PRKCH: variants seen among roughly 807,000 people sequenced by gnomAD.
PRKCH encodes the protein protein kinase C eta.
A neutral mutation model predicts 82.5 loss-of-function variants in PRKCH; 28 were observed. The ratio of observed to expected loss-of-function variants is 0.34; its 90% CI spans 0.25 to 0.47. The LOEUF is 0.47. PRKCH is among the 20% of genes least tolerant of loss of function. The pLI, the probability that PRKCH is intolerant of heterozygous loss-of-function variation, is 1.00. For synonymous variants in PRKCH, 322 were observed against 327.4 expected (o/e 0.98, Z 0.18); for missense variants, 705 against 881.8 (o/e 0.80, Z 2.54).
upstream of PRKCH, among the ~76,000 whole-genome samples, chr14:61,320,749 G>A (rs890720066): frequency 1.3e-5 from 2 of 152,234 alleles, no homozygotes; most frequent in Non-Finnish European, 2.9e-5. Context: ...GGACCACGGG[G>A]TGGGAAGCAT....
intron 1 of PRKCH, chr14:61,304,826 A>AC (rs1404879988): frequency 1.3e-5 from 2 of 151,572 alleles, no homozygotes; most frequent in African/African-American, 4.8e-5. Flanking sequence ...AAGGTCTTAA[A>AC]AAAAAAAAAA....
At chr14:61,422,622 AG>A (rs1422573855) in intron 2 of PRKCH, among the ~76,000 whole-genome samples, 1 of 152,184 alleles carries the variant, frequency 6.6e-6, no homozygotes, top group Admixed American at 6.5e-5. Context: ...TCTGCCCCAC[AG>A]CACCCTGGAC....
At chr14:61,478,055 G>A (rs1885806842) in intron 9 of PRKCH, among the ~76,000 whole-genome samples, 1 of 152,202 alleles carries the variant, frequency 6.6e-6, no homozygotes, top group Non-Finnish European at 1.5e-5. Context: ...CATGCATCAG[G>A]CCCTTTGGAG....
chr14:61,444,626 T>G (rs796094840), intron 3 of PRKCH, among the ~76,000 whole-genome samples: 4 of 152,216 alleles, frequency 2.6e-5, no homozygotes, highest in African/African-American at 9.6e-5. Flanking sequence ...TCATACTCTC[T>G]CTCTCACACA....
intron 1 of PRKCH, chr14:61,281,381 C>T (rs2045264876): frequency 8.8e-6 from 3 of 340,898 alleles, no homozygotes; most frequent in Non-Finnish European, 1.1e-5. Flanking sequence ...GTGCGCTGCA[C>T]CCCCGCGGGT....
At chr14:61,355,803 A>G (rs2046139921) in intron 1 of PRKCH, among the ~76,000 whole-genome samples, 2 of 152,186 alleles carry the variant, frequency 1.3e-5, no homozygotes, top group Admixed American at 6.5e-5. Context: ...CCACTTACAC[A>G]TTCTAGCCAG....
chr14:61,474,919 C>G (rs923410688), intron 9 of PRKCH, among the ~76,000 whole-genome samples: 1 of 152,182 alleles, frequency 6.6e-6, no homozygotes, highest in Non-Finnish European at 1.5e-5. Flanking sequence ...GAATTCTCAG[C>G]CAGTAGATTC....
At chr14:61,518,362 A>T (rs978388092) in intron 10 of PRKCH, among the ~76,000 whole-genome samples, 2 of 152,106 alleles carry the variant, frequency 1.3e-5, no homozygotes, top group Non-Finnish European at 2.9e-5. Context: ...AGGAGCTGCT[A>T]AATAAATTTG....
intron 9 of PRKCH, among the ~76,000 whole-genome samples, chr14:61,477,424 T>A (rs1885775381): frequency 6.6e-6 from 1 of 152,254 alleles, no homozygotes; most frequent in Non-Finnish European, 1.5e-5. Flanking sequence ...GAATGATACA[T>A]CTTCAAATGC....
chr14:61,526,029 A>G (rs1294528290), intron 10 of PRKCH, among the ~76,000 whole-genome samples: 1 of 152,166 alleles, frequency 6.6e-6, no homozygotes, highest in Non-Finnish European at 1.5e-5. Context: ...CAAGTCAGAA[A>G]ACACTTGTGG....
chr14:61,496,764 C>T (rs1480885478), intron 10 of PRKCH, among the ~76,000 whole-genome samples: 1 of 152,194 alleles, frequency 6.6e-6, no homozygotes, highest in East Asian at 1.9e-4. Flanking sequence ...GCCTCAAATT[C>T]TACGCTTTTT....
At position 61,291,422 on chromosome 14, in the gene PRKCH, C is replaced by T. The variant is rs188831062; in HGVS notation, c.-19+103754C>T. Reference sequence around the variant, plus strand: ...TTGGCTCACTGCAACCTCCGCCTACCGGGTTCAAGCAATTCTCCTGCCTCA... The same window carrying T: ...TTGGCTCACTGCAACCTCCGCCTACTGGGTTCAAGCAATTCTCCTGCCTCA... On this transcript the variant is annotated intron_variant, in intron 1 of 3. Coordinates refer to the PRKCH transcript ENST00000555185. Among the ~76,000 whole-genome samples, 26 of 150,374 alleles carry T rather than the reference C, an allele frequency of 1.7e-4. No homozygotes were observed. The East Asian group carries it at 4.2e-3, about 24-fold the overall frequency.
intron 1 of PRKCH, among the ~76,000 whole-genome samples, chr14:61,238,319 A>G (rs193030906): frequency 4.6e-5 from 7 of 152,316 alleles, no homozygotes; most frequent in African/African-American, 1.7e-4. Flanking sequence ...GGTCCCTGAC[A>G]GGAGATTGAG....
upstream of PRKCH, among the ~76,000 whole-genome samples, chr14:61,320,532 G>A (rs2045602413): frequency 6.6e-6 from 1 of 152,222 alleles, no homozygotes; most frequent in Admixed American, 6.5e-5. Context: ...CTGGGAGGCG[G>A]AGGTTGCGGT....
intron 1 of PRKCH, among the ~76,000 whole-genome samples, chr14:61,288,976 C>G (rs1026982308): frequency 7.9e-5 from 12 of 152,332 alleles, no homozygotes; most frequent in African/African-American, 2.6e-4. Context: ...CTTCTCTCTG[C>G]ATTGTCTTGC....
chr14:61,453,904 C>T (rs569765121), intron 7 of PRKCH, among the ~76,000 whole-genome samples: 6 of 152,056 alleles, frequency 3.9e-5, no homozygotes, highest in East Asian at 1.9e-4. Flanking sequence ...GCGATCCTCT[C>T]GCTTTGGCCT....
intron 1 of PRKCH, among the ~76,000 whole-genome samples, chr14:61,228,430 T>C (rs1326023167): frequency 6.6e-6 from 1 of 152,220 alleles, no homozygotes; most frequent in Non-Finnish European, 1.5e-5. Context: ...TCCCTTCTGC[T>C]GTGTCAATAG....
chr14:61,244,062 G>C (rs2044861776), intron 1 of PRKCH, among the ~76,000 whole-genome samples: 1 of 152,148 alleles, frequency 6.6e-6, no homozygotes, highest in Admixed American at 6.5e-5. Flanking sequence ...TGGGGCAACG[G>C]AGCATGCTGG....
intron 1 of PRKCH, among the ~76,000 whole-genome samples, chr14:61,207,007 G>A (rs1004320987): frequency 6.7e-6 from 1 of 148,770 alleles, no homozygotes; most frequent in Non-Finnish European, 1.5e-5. Context: ...TCGGGAGGCC[G>A]AGGCAGGAGA....
Sources: gnomAD v4.1 joint callset for allele counts (sites outside exome capture counted in the v4.1 genomes callset) on GRCh38, gnomAD v4.1.1 for gene constraint, MANE v1.5 for transcripts, NCBI Gene and HGNC (gene_info 2026-07-23, HGNC 2026-07-21) for gene names.